TPO: variants seen among roughly 807,000 people sequenced by gnomAD.
TPO encodes the protein thyroid microsomal antigen.
In TPO, 78 loss-of-function variants were observed where a neutral mutation model predicts 96.9. That is an observed-to-expected ratio of 0.81 (90% CI 0.67 to 0.97). The LOEUF (loss-of-function observed/expected upper bound fraction) is 0.97, where lower values mean the gene tolerates loss of function less well. TPO is among the 50% of genes least tolerant of loss of function. The pLI is 0.00. For missense variants in TPO, 1,252 were observed against 1,274.8 expected (o/e 0.98, Z 0.27); for synonymous variants, 547 against 538.0 (o/e 1.02, Z -0.23).
intron 15 of TPO, among the ~76,000 whole-genome samples, chr2:1,535,356 C>T (rs1335061774): frequency 1.1e-5 from 1 of 87,022 alleles, no homozygotes; most frequent in Admixed American, 1.3e-4. Context: ...TACTCAAATC[C>T]CCCCACTGTG....
intron 15 of TPO, among the ~76,000 whole-genome samples, chr2:1,537,737 T>C (rs1680153499): frequency 1.2e-5 from 1 of 82,432 alleles, no homozygotes; most frequent in African/African-American, 4.7e-5. Flanking sequence ...CCCCCAACTG[T>C]CTGCAAACTC....
chr2:1,451,432 T>A (rs1667291133), intron 5 of TPO, among the ~76,000 whole-genome samples: 1 of 152,252 alleles, frequency 6.6e-6, no homozygotes, highest in African/African-American at 2.4e-5. Context: ...CCAAATGTTT[T>A]AAAAAGTTAT....
chr2:1,533,046 A>C lies in TPO; in HGVS notation c.2619-7548A>C, dbSNP rs1573620695. Among the ~76,000 whole-genome samples the C allele has an allele frequency of 6.2e-5, 4 of 64,246 alleles. No homozygotes were observed. The Admixed American group carries it at 7.5e-4, about 12-fold the overall frequency. The allele number at this position is 64,246 out of a possible 152,430, so 42.1% of individuals were successfully genotyped here. On this transcript the variant is annotated intron_variant, in intron 15 of 16. Coordinates refer to ENST00000329066, the MANE Select transcript of TPO (RefSeq NM_001206744.2). ...GTGTGCACCCCCCAAAAATCCCCCC[A>C]CTGTGTGCAACCTCCTCAAATCCCC... is the stretch of plus-strand genomic sequence containing the variant.
At chr2:1,527,147 T>TCC (rs1431649272) in intron 15 of TPO, among the ~76,000 whole-genome samples, 1 of 42,786 alleles carries the variant, frequency 2.3e-5, no homozygotes, top group Non-Finnish European at 4.2e-5. Context: ...CCTCCTCAAA[T>TCC]CCCCCCACTC....
At chr2:1,503,500 A>G (rs1330798510) in intron 13 of TPO, among the ~76,000 whole-genome samples, 1 of 152,158 alleles carries the variant, frequency 6.6e-6, no homozygotes, top group Non-Finnish European at 1.5e-5. Context: ...GGGACCCCAC[A>G]TCCTCACTGG....
Position 1,474,701 on chromosome 2 carries a change from A to G in TPO, c.820-2385A>G, listed in dbSNP as rs550370527. On this transcript the variant is annotated intron_variant, in intron 7 of 16. Transcript: ENST00000329066. ...TCATCGATCTGTTCTTCATTTTCCA[A>G]TGTGCTGCCATGAAACCGCATATAC... 2.8e-4 allele frequency among the ~76,000 whole-genome samples: 43 copies of G among 152,046 alleles called. 1 individual carries two copies. Among genetic ancestry groups the G allele is most frequent in the Non-Finnish European group, 4.6e-4 (31 of 68,012 alleles).
intron 15 of TPO, among the ~76,000 whole-genome samples, chr2:1,539,981 TCCC>T (rs1680539921): frequency 6.6e-6 from 1 of 152,178 alleles, no homozygotes; most frequent in South Asian, 2.1e-4. Context: ...TACAGTTAAA[TCCC>T]ACAGTATTTG....
upstream of TPO, among the ~76,000 whole-genome samples, chr2:1,411,457 C>A (rs142096443): frequency 4.3e-3 from 650 of 152,282 alleles, 3 homozygotes; most frequent in African/African-American, 0.015. Flanking sequence ...AAAAGAGCAT[C>A]CAGTCAGTAT....
rs1317821921 is a variant in TPO at position 1,537,294 on chromosome 2, C to G, written c.2619-3300C>G. Among the ~76,000 whole-genome samples, 6 of 73,120 alleles carry G rather than the reference C, an allele frequency of 8.2e-5. No homozygotes were observed. In the East Asian group the frequency reaches 2.2e-3, roughly 27 times the overall value. 48.0% of individuals were successfully genotyped at this position (73,120 alleles called of 152,430 possible). A position where few individuals can be genotyped will look rare whatever the true frequency, so the allele number is the denominator to read the frequency against. ...TGCAACCTCCCCAAATCCCCCCCAC[C>G]CTCTGCAACGTCCCCAAACCTACTC... On this transcript the variant is annotated intron_variant, in intron 15 of 16. Transcript: ENST00000329066.
chr2:1,405,921 G>T (rs1297331763), intron 1 of TPO, among the ~76,000 whole-genome samples: 3 of 152,194 alleles, frequency 2.0e-5, no homozygotes, highest in Non-Finnish European at 4.4e-5. Flanking sequence ...GACCTTTGTG[G>T]TTTTTTCTAC....
chr2:1,422,543 G>A (rs962569176), intron 2 of TPO, among the ~76,000 whole-genome samples: 1 of 152,194 alleles, frequency 6.6e-6, no homozygotes, highest in African/African-American at 2.4e-5. Flanking sequence ...AACACTTGCC[G>A]TCTTCCTGTT....
At chr2:1,500,661 A>G (rs1005117841) in intron 13 of TPO, among the ~76,000 whole-genome samples, 1 of 152,160 alleles carries the variant, frequency 6.6e-6, no homozygotes, top group Non-Finnish European at 1.5e-5. Flanking sequence ...ACTCAAACTC[A>G]TTCACATAAA....
intron 7 of TPO, among the ~76,000 whole-genome samples, chr2:1,462,631 T>G (rs1444043385): frequency 2.0e-5 from 3 of 152,062 alleles, no homozygotes; most frequent in Non-Finnish European, 4.4e-5. Flanking sequence ...TTAGTGTTGT[T>G]GAGGGTATTG....
intron 1 of TPO, among the ~76,000 whole-genome samples, chr2:1,389,641 C>T (rs1661965661): frequency 6.6e-6 from 1 of 152,146 alleles, no homozygotes; most frequent in African/African-American, 2.4e-5. Context: ...CAAGCCATGG[C>T]ATGCTCTTAC....
At chr2:1,480,559 T>TACAC (rs3036105) in intron 8 of TPO, among the ~76,000 whole-genome samples, 3,577 of 44,318 alleles carry the variant, frequency 0.081, 266 homozygotes, top group East Asian at 0.096. Context: ...TCAAACCCCC[T>TACAC]ACACACACAC....
At chr2:1,447,147 T>C (rs1558297076) in intron 5 of TPO, among the ~76,000 whole-genome samples, 1 of 152,184 alleles carries the variant, frequency 6.6e-6, no homozygotes, top group Non-Finnish European at 1.5e-5. Context: ...ACGTGCCTCA[T>C]GACACCCTCC....
At position 1,496,757 on chromosome 2, in the gene TPO, T is replaced by G. The variant is rs28991293; in HGVS notation, c.2378T>G (p.Leu793Arg). 1 of 1,614,144 alleles carries G rather than the reference T, an allele frequency of 6.2e-7. No homozygotes were observed. The highest frequency in any genetic ancestry group is 2.2e-5 in the East Asian group (1 of 44,870). ...GAAGGATGGGATTTCCAGCCTCCCC[T>G]CTGCAAAGGTCAGTCCTTTCTTCAA... ...TQEGWDFQPP[L>R]CKDVNECADG... The change falls in exon 13 of 17, where the codon CTC becomes CGC. Residue 793 changes from leucine to arginine, a missense_variant. Coordinates refer to ENST00000329066, the MANE Select transcript of TPO (RefSeq NM_001206744.2).
At chr2:1,456,042 C>T (rs1421357304) in intron 6 of TPO, 34 bp from the exon 7 acceptor site, 18 of 1,605,546 alleles carry the variant, frequency 1.1e-5, no homozygotes, top group Non-Finnish European at 1.5e-5. Flanking sequence ...ACAGGGTCCT[C>T]CTATGTCCTG....
At chr2:1,414,263 C>T (rs1662650649) in intron 1 of TPO, 145 bp from the exon 2 acceptor site, 3 of 783,812 alleles carry the variant, frequency 3.8e-6, no homozygotes, top group African/African-American at 3.4e-5. Context: ...TCTCGCAGAC[C>T]CCAGGCCTGT....
Sources: allele counts gnomAD v4.1 joint callset (sites outside exome capture counted in the v4.1 genomes callset), GRCh38; gene constraint gnomAD v4.1.1; transcripts MANE v1.5; gene names NCBI Gene and HGNC (gene_info 2026-07-23, HGNC 2026-07-21).